The following MAGEC3 variants were observed in gnomAD, a reference collection of about 807,000 sequenced individuals.
The protein encoded by MAGEC3 is MAGE family member C3.
Under a neutral mutation model 35.3 loss-of-function variants are expected in MAGEC3, and 34 were observed. That is an observed-to-expected ratio of 0.96 (90% CI 0.73 to 1.28). The LOEUF is 1.28. Ranked by LOEUF, MAGEC3 falls within the 50% of genes most tolerant of loss-of-function variation. The probability of loss-of-function intolerance (pLI) is 0.00; values close to 1 mark genes in which losing one functional copy is unlikely to be tolerated. For synonymous variants in MAGEC3, 202 were observed against 185.6 expected, an observed-to-expected ratio of 1.09 and a Z score of -0.72; for missense variants, 561 against 483.6, an observed-to-expected ratio of 1.16 and a Z score of -1.50.
At chrX:141,881,878 G>C (rs2017969153) in intron 4 of MAGEC3, 82 bp downstream of exon 4, 1 of 1,129,190 alleles carries the variant, frequency 8.9e-7, no homozygotes, top group Non-Finnish European at 1.2e-6. Context: ...ACATTACCTG[G>C]AGTAGCGACA....
At chrX:141,891,710 TATAA>T (rs2018043760) in intron 4 of MAGEC3, among the ~76,000 whole-genome samples, 1 of 104,186 alleles carries the variant, frequency 9.6e-6, no homozygotes, top group African/African-American at 3.4e-5. Flanking sequence ...TATATGCATA[TATAA>T]ATATATATAT....
chrX:141,893,913 AAAAC>A (rs1199076911), intron 4 of MAGEC3, among the ~76,000 whole-genome samples: 1 of 112,010 alleles, frequency 8.9e-6, no homozygotes, highest in African/African-American at 3.2e-5. Context: ...ATGCAAACAA[AAAAC>A]AAAGGAGATT....
intron 1 of MAGEC3, among the ~76,000 whole-genome samples, chrX:141,841,059 T>C (rs755472830): frequency 8.1e-5 from 9 of 111,190 alleles, no homozygotes; most frequent in Non-Finnish European, 1.5e-4. Flanking sequence ...CACTCTGCTT[T>C]TCCTTCTCAC....
chrX:141,845,477 T>C (rs756349301), intron 1 of MAGEC3, among the ~76,000 whole-genome samples: 3 of 111,126 alleles, frequency 2.7e-5, no homozygotes, highest in African/African-American at 9.7e-5. Flanking sequence ...TCATTTCAGC[T>C]CCAGTCGTAT....
chrX:141,852,732 T>C (rs774910182), intron 1 of MAGEC3, among the ~76,000 whole-genome samples: 1 of 111,390 alleles, frequency 9.0e-6, no homozygotes, highest in Admixed American at 9.6e-5. Context: ...GTGTATTACA[T>C]CAATTTCTTT....
chrX:141,839,803 C>A, intron 1 of MAGEC3: 2 of 600,366 alleles, frequency 3.3e-6, no homozygotes, highest in Non-Finnish European at 4.0e-6. Flanking sequence ...GGATACTTGC[C>A]AATATCTAGA....
At chrX:141,856,783 T>A (rs2017783707) in intron 1 of MAGEC3, among the ~76,000 whole-genome samples, 1 of 111,976 alleles carries the variant, frequency 8.9e-6, no homozygotes, top group South Asian at 3.7e-4. Context: ...GGACGTTATG[T>A]TAAGTGAAAT....
rs1414948615 is a variant in MAGEC3 at position 141,838,387 on chromosome X, C to T, written c.72C>T (p.Asn24=). The T allele has an allele frequency of 8.3e-7, 1 of 1,211,098 alleles. No individual in the cohort carries two copies. The highest frequency in any genetic ancestry group is 3.0e-5 in the East Asian group (1 of 33,804). The part of the protein sequence containing the change: ...SDGSLGQWVK[N]TCATYALSPV... ...GCAGTCTAGGCCAGTGGGTGAAAAA[C>T]ACATGTGCCACATATGCCTTATCCC... is the stretch of plus-strand genomic sequence containing the variant. The change falls in exon 1 of 8, where the codon AAC becomes AAT. Residue 24 remains asparagine (N), a synonymous_variant. Transcript: ENST00000298296.
chrX:141,869,667 G>C (rs943908473), intron 2 of MAGEC3, among the ~76,000 whole-genome samples: 2 of 111,940 alleles, frequency 1.8e-5, no homozygotes, highest in Non-Finnish European at 3.8e-5. Flanking sequence ...GACACAGCTT[G>C]ATTATAAATC....
chrX:141,874,478 A>G (rs1043591705), intron 2 of MAGEC3, among the ~76,000 whole-genome samples: 1 of 112,295 alleles, frequency 8.9e-6, no homozygotes, highest in African/African-American at 3.2e-5. Flanking sequence ...TATCAAAAAT[A>G]TATTCAGAAC....
chrX:141,869,150 C>G (rs929779989), intron 2 of MAGEC3, among the ~76,000 whole-genome samples: 6 of 111,054 alleles, frequency 5.4e-5, no homozygotes, highest in African/African-American at 2.0e-4. Flanking sequence ...TCCCAAAGTG[C>G]TGGGATTACA....
chrX:141,851,450 G>T (rs1040545417), intron 1 of MAGEC3, among the ~76,000 whole-genome samples: 3 of 110,255 alleles, frequency 2.7e-5, no homozygotes, highest in Non-Finnish European at 5.7e-5. Context: ...TCTTATGTGG[G>T]TTGTGCTTAA....
At position 141,884,457 on chromosome X, in the gene MAGEC3, C is replaced by T. The variant is rs191638164; in HGVS notation, c.909+2661C>T. Reference sequence around the variant, plus strand: ...TCACGATCATGGGAGTTAATAAACTCCATAATACACTCCCCTTTATATATA... The same window carrying T: ...TCACGATCATGGGAGTTAATAAACTTCATAATACACTCCCCTTTATATATA... On this transcript the variant is annotated intron_variant, in intron 4 of 7. Transcript: ENST00000298296. Among the ~76,000 whole-genome samples the T allele has an allele frequency of 2.7e-5, 3 of 111,276 alleles. 1 individual carries two copies. Among genetic ancestry groups the T allele is most frequent in the African/African-American group, 9.8e-5 (3 of 30,567 alleles).
At chrX:141,846,048 T>A (rs1480508883) in intron 1 of MAGEC3, among the ~76,000 whole-genome samples, 1 of 110,625 alleles carries the variant, frequency 9.0e-6, no homozygotes, top group Non-Finnish European at 1.9e-5. Flanking sequence ...GATGCTAAGA[T>A]ACGGAGAGGA....
At chrX:141,880,175 G>A (rs1009785755) in intron 3 of MAGEC3, among the ~76,000 whole-genome samples, 1 of 111,490 alleles carries the variant, frequency 9.0e-6, no homozygotes, top group Admixed American at 9.5e-5. Context: ...CCCTGCTGGG[G>A]ATAAGAGTGA....
intron 4 of MAGEC3, among the ~76,000 whole-genome samples, chrX:141,885,018 G>A (rs770890550): frequency 9.0e-6 from 1 of 111,566 alleles, no homozygotes; most frequent in Admixed American, 9.5e-5. Flanking sequence ...TGCTGCCTGA[G>A]TCAACAGTGA....
Position 141,881,350 on chromosome X carries a change from T to C in MAGEC3, c.516-53T>C, listed in dbSNP as rs533362345. On this transcript the variant is annotated intron_variant, in intron 3 of 7. Transcript: ENST00000298296. Reference sequence around the variant, plus strand: ...CTCCTCCTCCACTTTATGAAGCCCATTCAATGAAGAGCCTAGCAGCCAATA... The same window carrying C: ...CTCCTCCTCCACTTTATGAAGCCCACTCAATGAAGAGCCTAGCAGCCAATA... The C allele has an allele frequency of 4.5e-5, 52 of 1,148,643 alleles. No individual in the cohort carries two copies. In the Middle Eastern group the frequency reaches 7.4e-4, roughly 16 times the overall value. 94.7% of individuals were successfully genotyped at this position (1,148,643 alleles called of 1,213,427 possible).
intron 1 of MAGEC3, among the ~76,000 whole-genome samples, chrX:141,860,085 T>C (rs906504176): frequency 1.8e-5 from 2 of 111,747 alleles, no homozygotes; most frequent in Non-Finnish European, 3.8e-5. Flanking sequence ...GGAGTTAGCC[T>C]TCCATCTCTA....
rs188002810 is a variant in MAGEC3 at position 141,874,249 on chromosome X, T to A, written c.259-4926T>A. ...AGACCTAAATGTGAAAATAAAATTT[T>A]AAAAAACCTATGAAACACATAGAAG... On this transcript the variant is annotated intron_variant, in intron 2 of 7. Coordinates refer to ENST00000298296, the MANE Select transcript of MAGEC3 (RefSeq NM_138702.1). Among the ~76,000 whole-genome samples the A allele has an allele frequency of 5.2e-3, 581 of 111,826 alleles. 1 individual carries two copies. The highest frequency in any genetic ancestry group is 0.018 in the African/African-American group (547 of 30,814).
Sources: gnomAD v4.1 joint callset for allele counts (sites outside exome capture counted in the v4.1 genomes callset) on GRCh38, gnomAD v4.1.1 for gene constraint, MANE v1.5 for transcripts, NCBI Gene and HGNC (gene_info 2026-07-23, HGNC 2026-07-21) for gene names.